The following FRMD5 variants were observed in gnomAD, a reference collection of about 807,000 sequenced individuals.
FRMD5 encodes the protein FERM domain-containing protein 5.
A neutral mutation model predicts 69.0 loss-of-function variants in FRMD5; 20 were observed. The observed-to-expected ratio is 0.29, with a 90% CI of 0.20 to 0.42. The LOEUF (loss-of-function observed/expected upper bound fraction) is 0.42, where lower values mean the gene tolerates loss of function less well. Ranked by LOEUF, FRMD5 falls within the 10% of genes least tolerant of loss-of-function variation. The probability of loss-of-function intolerance (pLI) is 1.00; values close to 1 mark genes in which losing one functional copy is unlikely to be tolerated. For synonymous variants in FRMD5, 271 were observed against 260.1 expected, an observed-to-expected ratio of 1.04 and a Z score of -0.40; for missense variants, 595 against 708.6, an observed-to-expected ratio of 0.84 and a Z score of 1.82.
At chr15:44,071,465 A>T (rs1283110309) in intron 1 of FRMD5, among the ~76,000 whole-genome samples, 1 of 152,078 alleles carries the variant, frequency 6.6e-6, no homozygotes, top group Non-Finnish European at 1.5e-5. Flanking sequence ...AAAACAAACT[A>T]AAGTTCTGGC....
intron 1 of FRMD5, among the ~76,000 whole-genome samples, chr15:44,113,061 C>T (rs1369775995): frequency 6.6e-6 from 1 of 152,168 alleles, no homozygotes; most frequent in African/African-American, 2.4e-5. Flanking sequence ...TTAACTTTTG[C>T]CCTTCTATCT....
intron 4 of FRMD5, among the ~76,000 whole-genome samples, chr15:43,916,133 T>C (rs2089383146): frequency 6.6e-6 from 1 of 152,132 alleles, no homozygotes; most frequent in African/African-American, 2.4e-5. Context: ...AGGGGAAAAT[T>C]GCCCAAGATG....
In FRMD5 at chr15:43,987,499, G is replaced by C. The variant is rs115354753; in HGVS notation, c.103-63190C>G. On this transcript the variant is annotated intron_variant, in intron 1 of 13. Coordinates refer to ENST00000417257, the MANE Select transcript of FRMD5 (RefSeq NM_032892.5). ...AATTTTTCCACGGACCAGGTTGCAG[G>C]GGGTTTCGGGATGATTCCAGCACAT... is the stretch of plus-strand genomic sequence containing the variant. Among the ~76,000 whole-genome samples, 748 of 152,262 alleles carry C rather than the reference G, an allele frequency of 4.9e-3. 12 individuals are homozygous for C. Among genetic ancestry groups the C allele is most frequent in the African/African-American group, 0.017 (717 of 41,538 alleles).
chr15:43,978,915 C>A (rs2090506056), intron 1 of FRMD5, among the ~76,000 whole-genome samples: 1 of 152,130 alleles, frequency 6.6e-6, no homozygotes, highest in Admixed American at 6.6e-5. Flanking sequence ...TAGATTTTTG[C>A]ATGTTAAGTT....
intron 1 of FRMD5, among the ~76,000 whole-genome samples, chr15:44,021,512 A>G (rs1157750301): frequency 6.6e-6 from 1 of 152,186 alleles, no homozygotes; most frequent in Admixed American, 6.5e-5. Flanking sequence ...ACATTTTCCC[A>G]AAGAAGATAT....
chr15:43,950,627 C>T (rs1365571295), intron 1 of FRMD5, among the ~76,000 whole-genome samples: 7 of 152,310 alleles, frequency 4.6e-5, no homozygotes, highest in South Asian at 4.1e-4. Context: ...AGAGGCCAAG[C>T]GTTCCCATTC....
chr15:43,984,524 T>C (rs1205553415), intron 1 of FRMD5, among the ~76,000 whole-genome samples: 2 of 152,212 alleles, frequency 1.3e-5, no homozygotes, highest in African/African-American at 4.8e-5. Flanking sequence ...ACAATCCTTG[T>C]CACAACTGCT....
At chr15:44,103,439 T>A (rs535853795) in intron 1 of FRMD5, among the ~76,000 whole-genome samples, 25 of 152,318 alleles carry the variant, frequency 1.6e-4, no homozygotes, top group Admixed American at 3.3e-4. Context: ...GCGTTTTACC[T>A]TCCCTCACAA....
chr15:43,947,159 T>TA (rs1183553247), intron 1 of FRMD5, among the ~76,000 whole-genome samples: 2 of 152,244 alleles, frequency 1.3e-5, no homozygotes, highest in Non-Finnish European at 2.9e-5. Context: ...TAATATCCTT[T>TA]AAAATCTAAA....
At chr15:43,885,025 C>T (rs2088629828) in intron 11 of FRMD5, 4 of 473,238 alleles carry the variant, frequency 8.5e-6, no homozygotes, top group Non-Finnish European at 1.5e-5. Flanking sequence ...TTAGGATCTT[C>T]CATTCTCATT....
At chr15:43,965,832 G>A (rs2090286641) in intron 1 of FRMD5, among the ~76,000 whole-genome samples, 1 of 151,584 alleles carries the variant, frequency 6.6e-6, no homozygotes, top group South Asian at 2.1e-4. Flanking sequence ...CGCCCACCTT[G>A]GCCTCCCAAA....
chr15:44,175,781 G>A (rs1883311793), intron 1 of FRMD5, among the ~76,000 whole-genome samples: 1 of 151,948 alleles, frequency 6.6e-6, no homozygotes, highest in African/African-American at 2.4e-5. Context: ...ACTCAGCAAT[G>A]AAATGAAAAA....
At chr15:43,946,555 A>C (rs1030875884) in intron 1 of FRMD5, among the ~76,000 whole-genome samples, 3 of 152,234 alleles carry the variant, frequency 2.0e-5, no homozygotes, top group African/African-American at 7.2e-5. Context: ...TCTCTAACAT[A>C]ATAATGTAAA....
At chr15:43,943,857 G>T (rs989208446) in intron 1 of FRMD5, among the ~76,000 whole-genome samples, 5 of 152,226 alleles carry the variant, frequency 3.3e-5, no homozygotes, top group African/African-American at 9.6e-5. Context: ...GCCAGTTTGT[G>T]ATTGCTATGG....
intron 1 of FRMD5, among the ~76,000 whole-genome samples, chr15:43,952,117 A>C (rs1425422753): frequency 1.3e-5 from 2 of 151,932 alleles, no homozygotes; most frequent in Non-Finnish European, 2.9e-5. Flanking sequence ...TAGGAGGGGT[A>C]AAAAACAAAC....
At position 43,872,122 on chromosome 15, in the gene FRMD5, A is replaced by G. The variant is rs2088175564; in HGVS notation, c.*1763T>C. 1 of 152,214 alleles carries G rather than the reference A, an allele frequency of 6.6e-6. No individual in the cohort carries two copies. Among genetic ancestry groups the G allele is most frequent in the Non-Finnish European group, 1.5e-5 (1 of 68,040 alleles). The allele number at this position is 152,214 out of a possible 1,614,324, so 9.4% of individuals were successfully genotyped here. Reference sequence around the variant, plus strand: ...CAGAATTGAGCAGTTGTGACACAGTATGGCGTGCTAAACCAAAATATTTAC... The same window carrying G: ...CAGAATTGAGCAGTTGTGACACAGTGTGGCGTGCTAAACCAAAATATTTAC... On this transcript the variant is annotated 3_prime_UTR_variant, in exon 14 of 14. Transcript: ENST00000417257.
rs1020704598 is a variant in FRMD5 at position 43,949,225 on chromosome 15, C to T, written c.103-24916G>A. Among the ~76,000 whole-genome samples the T allele has an allele frequency of 3.9e-5, 6 of 152,346 alleles. No individual in the cohort carries two copies. The South Asian group carries it at 8.3e-4, about 21-fold the overall frequency. On this transcript the variant is annotated intron_variant, in intron 1 of 13. Transcript: ENST00000417257. ...CCCTGCAAAGCCCCTGCAAGGTTCC[C>T]TGACATCCCTAGCAGTAACTGTGAG...
At chr15:43,936,602 A>G (rs1049213450) in intron 1 of FRMD5, among the ~76,000 whole-genome samples, 1 of 152,136 alleles carries the variant, frequency 6.6e-6, no homozygotes, top group Non-Finnish European at 1.5e-5. Flanking sequence ...AGTGTAGGAA[A>G]GAACAGAGGA....
chr15:44,185,700 C>T (rs2078088058), intron 1 of FRMD5, among the ~76,000 whole-genome samples: 5 of 151,412 alleles, frequency 3.3e-5, no homozygotes, highest in Admixed American at 3.3e-4. Context: ...GGCTGAGACG[C>T]AAGAATTGCT....
Sources: allele counts gnomAD v4.1 joint callset (sites outside exome capture counted in the v4.1 genomes callset), GRCh38; gene constraint gnomAD v4.1.1; transcripts MANE v1.5; gene names NCBI Gene and HGNC (gene_info 2026-07-23, HGNC 2026-07-21).